TEX9: variants seen among roughly 807,000 people sequenced by gnomAD.
The protein encoded by TEX9 is testis expressed 9.
Under a neutral mutation model 59.6 loss-of-function variants are expected in TEX9, and 74 were observed. The observed-to-expected ratio is 1.24, with a 90% CI of 1.03 to 1.51. The LOEUF is 1.51. Among genes scored for constraint, TEX9 ranks in the 40% most tolerant of loss-of-function variants. TEX9 has a pLI of 0.00. For missense variants in TEX9, 522 were observed against 447.8 expected, an observed-to-expected ratio of 1.17 and a Z score of -1.49; for synonymous variants, 186 against 152.2, an observed-to-expected ratio of 1.22 and a Z score of -1.64.
intron 10 of TEX9, among the ~76,000 whole-genome samples, chr15:56,420,256 ATT>A (rs1347861682): frequency 6.8e-6 from 1 of 147,160 alleles, no homozygotes; most frequent in Non-Finnish European, 1.5e-5. Context: ...CTGCTCTTCT[ATT>A]TCTTTCCCTC....
At position 56,358,497 on chromosome 15, in the gene TEX9, C is replaced by T. The variant is rs551068083; in HGVS notation, c.-106-14944C>T. ...ACATTTGCAGAAAAACTGAGAATATCGTAGAGAGAGTTCCCATATACCCTG... is the reference window on the plus strand; with the variant it reads ...ACATTTGCAGAAAAACTGAGAATATTGTAGAGAGAGTTCCCATATACCCTG... On this transcript the variant is annotated intron_variant, in intron 1 of 5. Transcript: ENST00000560827. Among the ~76,000 whole-genome samples, 40 of 151,968 alleles carry T rather than the reference C, an allele frequency of 2.6e-4. No individual in the cohort carries two copies. The East Asian group carries it at 3.5e-3, about 13-fold the overall frequency.
At chr15:56,377,668 A>G (rs1390161022) in intron 3 of TEX9, among the ~76,000 whole-genome samples, 1 of 152,172 alleles carries the variant, frequency 6.6e-6, no homozygotes, top group Non-Finnish European at 1.5e-5. Flanking sequence ...ATATAAGAGC[A>G]TATCATCTGT....
intron 1 of TEX9, among the ~76,000 whole-genome samples, chr15:56,258,685 T>A (rs1424351212): frequency 6.6e-6 from 1 of 151,950 alleles, no homozygotes; most frequent in Admixed American, 6.6e-5. Context: ...TGTACTAATA[T>A]CTGAGTATGG....
the TEX9 span, chr15:56,456,646 A>T: frequency 1.0e-6 from 1 of 955,862 alleles, no homozygotes; most frequent in African/African-American, 1.7e-5. Flanking sequence ...TTTTATTTTA[A>T]AATACAAAAT....
intron 12 of TEX9, chr15:56,434,483 G>C: frequency 7.5e-7 from 1 of 1,340,068 alleles, no homozygotes; most frequent in East Asian, 2.3e-5. Context: ...GTTAAATTTA[G>C]TATTACAATA....
chr15:56,404,590 CT>C (rs1210388394), intron 9 of TEX9, among the ~76,000 whole-genome samples: 24 of 152,142 alleles, frequency 1.6e-4, no homozygotes, highest in Non-Finnish European at 2.9e-4. Flanking sequence ...CCTCAAGGAT[CT>C]AGAACTAGAA....
chr15:56,431,351 A>G (rs745418003), intron 12 of TEX9: 3 of 1,607,784 alleles, frequency 1.9e-6, no homozygotes, highest in South Asian at 1.1e-5. Flanking sequence ...GAAGATTACA[A>G]CTTGAGATAA....
intron 2 of TEX9, among the ~76,000 whole-genome samples, chr15:56,367,547 G>C (rs2047002539): frequency 6.6e-6 from 1 of 152,136 alleles, no homozygotes; most frequent in South Asian, 2.1e-4. Flanking sequence ...CTTCATTCCT[G>C]TATTATAATA....
intron 3 of TEX9, among the ~76,000 whole-genome samples, chr15:56,380,591 G>A (rs1419217145): frequency 6.6e-6 from 1 of 152,116 alleles, no homozygotes; most frequent in African/African-American, 2.4e-5. Context: ...ATTTCTTGTA[G>A]GACAGGTCTA....
chr15:56,446,603 T>C (rs1469493048), downstream of TEX9, among the ~76,000 whole-genome samples: 2 of 152,022 alleles, frequency 1.3e-5, no homozygotes, highest in Non-Finnish European at 2.9e-5. Flanking sequence ...CTATAAAGAA[T>C]GCTGGGAGTT....
chr15:56,446,602 A>G (rs1185527602), downstream of TEX9, among the ~76,000 whole-genome samples: 1 of 152,060 alleles, frequency 6.6e-6, no homozygotes, highest in African/African-American at 2.4e-5. Flanking sequence ...ACTATAAAGA[A>G]TGCTGGGAGT....
intron 10 of TEX9, among the ~76,000 whole-genome samples, chr15:56,419,024 A>C (rs140931319): frequency 1.3e-5 from 2 of 152,082 alleles, no homozygotes; most frequent in African/African-American, 4.8e-5. Flanking sequence ...CTTTAAAGTC[A>C]TGAATAGAGA....
At chr15:56,379,636 G>A (rs1395196172) in intron 3 of TEX9, among the ~76,000 whole-genome samples, 2 of 152,170 alleles carry the variant, frequency 1.3e-5, no homozygotes, top group Non-Finnish European at 2.9e-5. Context: ...CTAAAAGTGG[G>A]TGCTGAAGTC....
upstream of TEX9, among the ~76,000 whole-genome samples, chr15:56,364,380 C>T (rs1217468330): frequency 2.6e-5 from 4 of 151,702 alleles, no homozygotes; most frequent in Non-Finnish European, 5.9e-5. Context: ...CTTGAACTCC[C>T]AACCTCAGGT....
At chr15:56,457,638 A>G in the TEX9 span, among the ~76,000 whole-genome samples, 1 of 152,144 alleles carries the variant, frequency 6.6e-6, no homozygotes, top group Non-Finnish European at 1.5e-5. Flanking sequence ...CCTGGGCAAC[A>G]TAGAGAGGTG....
At chr15:56,421,875 A>G (rs1451969614) in intron 10 of TEX9, 2 of 151,548 alleles carry the variant, frequency 1.3e-5, no homozygotes, top group African/African-American at 4.9e-5. Context: ...ATTGTTGGAC[A>G]TTTGGGTTGG....
At chr15:56,403,926 C>A (rs1412590182) in intron 9 of TEX9, among the ~76,000 whole-genome samples, 4 of 152,184 alleles carry the variant, frequency 2.6e-5, no homozygotes, top group Non-Finnish European at 4.4e-5. Context: ...ACTGGCTAGC[C>A]ATATGCAGAC....
At chr15:56,340,210 A>G (rs1485715579) in intron 1 of TEX9, among the ~76,000 whole-genome samples, 1 of 152,200 alleles carries the variant, frequency 6.6e-6, no homozygotes, top group Non-Finnish European at 1.5e-5. Context: ...TTCAAGAAAC[A>G]AATGTGAGGA....
intron 12 of TEX9, chr15:56,443,356 C>G: frequency 9.2e-7 from 1 of 1,090,720 alleles, no homozygotes; most frequent in Non-Finnish European, 1.3e-6. Flanking sequence ...TTTAAATGTA[C>G]TATCTCTTTT....
Sources: allele counts gnomAD v4.1 joint callset (sites outside exome capture counted in the v4.1 genomes callset), GRCh38; gene constraint gnomAD v4.1.1; transcripts MANE v1.5; gene names NCBI Gene and HGNC (gene_info 2026-07-23, HGNC 2026-07-21).